The following DHX35 variants were observed in gnomAD, a reference collection of about 807,000 sequenced individuals.
DHX35 encodes the protein DEAH-box helicase 35.
Under a neutral mutation model 99.6 loss-of-function variants are expected in DHX35, and 84 were observed. The observed-to-expected ratio is 0.84, with a 90% CI of 0.71 to 1.01. The LOEUF (loss-of-function observed/expected upper bound fraction) is 1.01, where lower values mean the gene tolerates loss of function less well. Ranked by LOEUF, DHX35 falls within the 50% of genes least tolerant of loss-of-function variation. The probability of loss-of-function intolerance (pLI) is 0.00; values close to 1 mark genes in which losing one functional copy is unlikely to be tolerated. For synonymous variants in DHX35, 331 were observed against 316.2 expected (o/e 1.05, Z -0.50); for missense variants, 852 against 888.5 (o/e 0.96, Z 0.52).
chr20:39,000,106 T>C (rs742277), intron 8 of DHX35, among the ~76,000 whole-genome samples: 51,239 of 152,064 alleles, frequency 0.34, 8,750 homozygotes, highest in Middle Eastern at 0.52. Flanking sequence ...TTTTAGTCCA[T>C]ACTGTGCTAT....
At chr20:38,988,689 CTT>C (rs2086286282) in intron 4 of DHX35, 122 bp from the exon 5 acceptor site, 1 of 1,348,274 alleles carries the variant, frequency 7.4e-7, no homozygotes, top group African/African-American at 1.5e-5. Flanking sequence ...TAACTTGTCT[CTT>C]TTCATTTTTC....
Position 39,003,895 on chromosome 20 carries a change from C to T in DHX35, c.999C>T (p.Arg333=). The change falls in exon 11 of 22, where the codon CGC becomes CGT. Residue 333 remains arginine, a synonymous_variant. Coordinates refer to ENST00000252011, the MANE Select transcript of DHX35 (RefSeq NM_021931.4). ...TGAAAGTGTTTGAAAGGGTGTCACG[C>T]AGTGTCAGAAAGGTGAGACTATCCT... ...EQMKVFERVS[R]SVRKVIVATN... 6.2e-7 allele frequency: 1 copy of T among 1,614,126 alleles called. No homozygotes were observed. The highest frequency in any genetic ancestry group is 8.5e-7 in the Non-Finnish European group (1 of 1,180,012).
intron 13 of DHX35, among the ~76,000 whole-genome samples, chr20:39,013,435 A>T (rs1055397651): frequency 6.6e-6 from 1 of 152,256 alleles, no homozygotes; most frequent in African/African-American, 2.4e-5. Flanking sequence ...AACTATACAT[A>T]AACAGTAATT....
Position 39,021,940 on chromosome 20 carries a change from G to A in DHX35, c.1593+5G>A. 1 of 1,614,042 alleles carries A rather than the reference G, an allele frequency of 6.2e-7. No homozygotes were observed. The highest frequency in any genetic ancestry group is 8.5e-7 in the Non-Finnish European group (1 of 1,179,886). On this transcript the variant is annotated splice_donor_5th_base_variant and intron_variant, in intron 16 of 21. Transcript: ENST00000252011. The stretch of plus-strand genomic sequence containing the variant: ...CCAAACCAGAAGTCTCACGCAGTAA[G>A]TCAGCTCTGTCCCCAGGCTGTCTGT...
intron 20 of DHX35, 69 bp from the exon 21 acceptor site, chr20:39,034,137 T>C (rs988635778): frequency 7.2e-5 from 82 of 1,135,050 alleles, no homozygotes; most frequent in Non-Finnish European, 9.7e-5. Context: ...GGAAACAGCA[T>C]GTCTACCTGT....
intron 2 of DHX35, among the ~76,000 whole-genome samples, chr20:38,970,200 G>T (rs1224032853): frequency 6.6e-6 from 1 of 152,216 alleles, no homozygotes; most frequent in African/African-American, 2.4e-5. Context: ...TGGGATTACA[G>T]GTGTGAGCAG....
chr20:38,978,286 G>A (rs1470542534), intron 3 of DHX35: 7 of 766,060 alleles, frequency 9.1e-6, no homozygotes, highest in African/African-American at 3.4e-5. Flanking sequence ...TGAGCTGACC[G>A]TTCTTAAAGA....
chr20:39,031,333 CTTTTT>C (rs111833262), intron 20 of DHX35, among the ~76,000 whole-genome samples: 2 of 131,726 alleles, frequency 1.5e-5, no homozygotes, highest in African/African-American at 2.8e-5. Context: ...GCTCACGGTT[CTTTTT>C]TTTTTTTTTT....
chr20:39,005,135 CATTTATAAAATAAT>C (rs2086592493), intron 11 of DHX35, among the ~76,000 whole-genome samples: 1 of 152,070 alleles, frequency 6.6e-6, no homozygotes, highest in Admixed American at 6.5e-5. Flanking sequence ...ATAAAATGAT[CATTTATAAAATAAT>C]TTTTATAAAA....
chr20:38,971,015 A>G (rs1376481183), intron 2 of DHX35, among the ~76,000 whole-genome samples: 1 of 152,210 alleles, frequency 6.6e-6, no homozygotes, highest in Non-Finnish European at 1.5e-5. Flanking sequence ...CCTCTACGCC[A>G]TCCTTTTTCC....
At position 39,031,333 on chromosome 20, in the gene DHX35, C is replaced by CTT. The variant is rs111833262; in HGVS notation, c.1955+575_1955+576dup. ...TGAATTGGGATCCCAGCTCACGGTT[C>CTT]TTTTTTTTTTTTTTTTTTGAGACAG... On this transcript the variant is annotated intron_variant, in intron 20 of 21. Transcript: ENST00000252011. Among the ~76,000 whole-genome samples the CTT allele has an allele frequency of 7.4e-3, 978 of 131,696 alleles. 17 individuals are homozygous for CTT. Among genetic ancestry groups the CTT allele is most frequent in the African/African-American group, 0.025 (922 of 36,316 alleles). 86.4% of individuals were successfully genotyped at this position (131,696 alleles called of 152,430 possible). A position where few individuals can be genotyped will look rare whatever the true frequency, so the allele number is the denominator to read the frequency against.
chr20:39,027,190 C>T (rs1326778603), intron 18 of DHX35, among the ~76,000 whole-genome samples: 6 of 152,146 alleles, frequency 3.9e-5, no homozygotes, highest in South Asian at 2.1e-4. Context: ...GACTGGATAT[C>T]GGATTAGATC....
intron 13 of DHX35, among the ~76,000 whole-genome samples, chr20:39,012,152 G>C (rs1279753321): frequency 6.6e-6 from 1 of 152,156 alleles, no homozygotes; most frequent in African/African-American, 2.4e-5. Flanking sequence ...GGAGGCTTGA[G>C]GCAGGAGAAA....
chr20:38,971,677 G>A (rs143161339), intron 2 of DHX35, among the ~76,000 whole-genome samples: 414 of 152,262 alleles, frequency 2.7e-3, no homozygotes, highest in African/African-American at 9.5e-3. Flanking sequence ...GCATAAACAA[G>A]TAGATACGTG....
chr20:39,024,464 A>T (rs1314350189), intron 17 of DHX35, among the ~76,000 whole-genome samples: 1 of 152,238 alleles, frequency 6.6e-6, no homozygotes, highest in Non-Finnish European at 1.5e-5. Flanking sequence ...GAGGAAGATT[A>T]TTCAGTTGGT....
chr20:38,987,665 T>C (rs1023518424), intron 4 of DHX35, among the ~76,000 whole-genome samples: 5 of 152,254 alleles, frequency 3.3e-5, no homozygotes, highest in African/African-American at 1.2e-4. Flanking sequence ...GCAGAGATCT[T>C]GCTGTTGGAT....
intron 3 of DHX35, among the ~76,000 whole-genome samples, chr20:38,976,733 C>G (rs1005334359): frequency 5.9e-5 from 9 of 152,098 alleles, no homozygotes; most frequent in Middle Eastern, 3.2e-3. Flanking sequence ...GTTGACCAAC[C>G]TTTTATTCTC....
At chr20:38,978,435 C>T (rs749828606) in intron 3 of DHX35, 5 of 610,034 alleles carry the variant, frequency 8.2e-6, no homozygotes, top group African/African-American at 1.8e-5. Flanking sequence ...GGTGGTGGCA[C>T]GTACTTAGGT....
In DHX35 at chr20:39,023,677, T is replaced by G. The variant is rs1302396012; in HGVS notation, c.1594-13T>G. On this transcript the variant is annotated splice_polypyrimidine_tract_variant and intron_variant, in intron 16 of 21. Transcript: ENST00000252011. ...AAAGAGTGAAATTCTGAATGTTGCT[T>G]CATTCTTTCCAGATTCGAGTGCACC... The G allele has an allele frequency of 6.2e-7, 1 of 1,613,406 alleles. No homozygotes were observed.
Sources: allele counts gnomAD v4.1 joint callset (sites outside exome capture counted in the v4.1 genomes callset), GRCh38; gene constraint gnomAD v4.1.1; transcripts MANE v1.5; gene names NCBI Gene and HGNC (gene_info 2026-07-23, HGNC 2026-07-21).